GALNT17: variants seen among roughly 807,000 people sequenced by gnomAD.
The protein encoded by GALNT17 is polypeptide N-acetylgalactosaminyltransferase 17.
In GALNT17, 29 loss-of-function variants were observed where a neutral mutation model predicts 63.7. The observed-to-expected ratio is 0.46, with a 90% confidence interval of 0.34 to 0.62. GALNT17 has a LOEUF of 0.62. Ranked by LOEUF, GALNT17 falls within the 20% of genes least tolerant of loss-of-function variation. The pLI is 0.01. For missense variants in GALNT17, 603 were observed against 799.6 expected (o/e 0.75, Z 2.97); for synonymous variants, 305 against 318.3 (o/e 0.96, Z 0.45).
chr7:71,266,292 A>G (rs1302443634), intron 1 of GALNT17, among the ~76,000 whole-genome samples: 2 of 152,110 alleles, frequency 1.3e-5, no homozygotes, highest in Admixed American at 6.6e-5. Context: ...TCAAATTGTA[A>G]TCCCTATGTG....
intron 1 of GALNT17, among the ~76,000 whole-genome samples, chr7:71,218,941 A>C (rs1789534394): frequency 1.3e-5 from 2 of 152,120 alleles, no homozygotes; most frequent in African/African-American, 4.8e-5. Flanking sequence ...GTGCAGAATA[A>C]ATGTAATGCT....
At chr7:71,553,204 G>A (rs1230958622) in intron 5 of GALNT17, among the ~76,000 whole-genome samples, 2 of 152,056 alleles carry the variant, frequency 1.3e-5, no homozygotes, top group Non-Finnish European at 2.9e-5. Flanking sequence ...GTATGTGCCT[G>A]TAGTCCCGGC....
rs778398639 is a variant in GALNT17 at position 71,388,284 on chromosome 7, T to C, written c.472T>C (p.Phe158Leu). The change falls in exon 3 of 11, where the codon TTC becomes CTC. Residue 158 changes from phenylalanine to leucine, a missense_variant. Coordinates refer to ENST00000333538, the MANE Select transcript of GALNT17 (RefSeq NM_022479.3). ...SKDLPQISII[F>L]IFVNEALSVI... ...GGACCTGCCCCAGATATCCATCATATTCATCTTCGTGAACGAGGCCCTGTC... is the reference window on the plus strand; with the variant it reads ...GGACCTGCCCCAGATATCCATCATACTCATCTTCGTGAACGAGGCCCTGTC... 1.2e-6 allele frequency: 2 copies of C among 1,614,048 alleles called. No homozygotes were observed. Among genetic ancestry groups the C allele is most frequent in the Non-Finnish European group, 1.7e-6 (2 of 1,179,984 alleles).
chr7:71,231,364 A>G (rs1027468835), intron 1 of GALNT17, among the ~76,000 whole-genome samples: 2 of 151,828 alleles, frequency 1.3e-5, no homozygotes. Context: ...TAGATATAGG[A>G]TGGGCTCAGG....
intron 1 of GALNT17, among the ~76,000 whole-genome samples, chr7:71,213,820 A>C (rs1789425861): frequency 6.6e-6 from 1 of 152,122 alleles, no homozygotes; most frequent in African/African-American, 2.4e-5. Flanking sequence ...GCCATTCCTC[A>C]ATGCCTAATG....
At chr7:71,323,017 G>A (rs576061975) in intron 1 of GALNT17, among the ~76,000 whole-genome samples, 58 of 152,026 alleles carry the variant, frequency 3.8e-4, no homozygotes, top group Middle Eastern at 3.4e-3. Context: ...TGAAGGAGTG[G>A]GTGTGTTTAG....
chr7:71,557,704 T>C (rs946689562), intron 5 of GALNT17, among the ~76,000 whole-genome samples: 2 of 152,056 alleles, frequency 1.3e-5, no homozygotes, highest in Non-Finnish European at 2.9e-5. Flanking sequence ...GGCAGGAGAA[T>C]CGCTTGAACC....
chr7:71,690,641 A>G (rs1181993155), intron 9 of GALNT17, among the ~76,000 whole-genome samples: 1 of 152,204 alleles, frequency 6.6e-6, no homozygotes, highest in Non-Finnish European at 1.5e-5. Flanking sequence ...GTACCATTTT[A>G]GATACCAGTA....
chr7:71,365,601 C>T (rs928301374), intron 2 of GALNT17, among the ~76,000 whole-genome samples: 1 of 152,182 alleles, frequency 6.6e-6, no homozygotes, highest in Non-Finnish European at 1.5e-5. Context: ...ATAGTAAGCA[C>T]TGTATTGAAA....
chr7:71,160,560 G>A (rs1339854598), intron 1 of GALNT17, among the ~76,000 whole-genome samples: 2 of 152,148 alleles, frequency 1.3e-5, no homozygotes, highest in East Asian at 3.9e-4. Flanking sequence ...CTGGGTTCAA[G>A]AGATTGTCCT....
At chr7:71,512,833 G>C (rs891994648) in intron 5 of GALNT17, among the ~76,000 whole-genome samples, 1 of 152,196 alleles carries the variant, frequency 6.6e-6, no homozygotes, top group African/African-American at 2.4e-5. Flanking sequence ...AGAATGAGGA[G>C]AATCAGGCCT....
At chr7:71,609,328 C>G (rs998017667) in intron 6 of GALNT17, among the ~76,000 whole-genome samples, 2 of 152,156 alleles carry the variant, frequency 1.3e-5, no homozygotes, top group Non-Finnish European at 2.9e-5. Flanking sequence ...ACTGAGGTCA[C>G]CAACGTTCCT....
At chr7:71,202,992 GCA>G (rs144239987) in intron 1 of GALNT17, among the ~76,000 whole-genome samples, 13 of 151,046 alleles carry the variant, frequency 8.6e-5, no homozygotes, top group Admixed American at 2.6e-4. Context: ...ATACACACGT[GCA>G]CACACACACA....
intron 5 of GALNT17, among the ~76,000 whole-genome samples, chr7:71,551,667 T>C (rs2116831261): frequency 6.6e-6 from 1 of 151,526 alleles, no homozygotes; most frequent in Non-Finnish European, 1.5e-5. Flanking sequence ...CTTGGAAGGC[T>C]AATGCACTGG....
At chr7:71,215,281 CT>C (rs1027646140) in intron 1 of GALNT17, among the ~76,000 whole-genome samples, 6 of 151,832 alleles carry the variant, frequency 4.0e-5, no homozygotes, top group African/African-American at 1.2e-4. Context: ...TTCACTGATC[CT>C]TTTTTTTGCA....
At chr7:71,313,811 T>C (rs1478210359) in intron 1 of GALNT17, among the ~76,000 whole-genome samples, 1 of 152,112 alleles carries the variant, frequency 6.6e-6, no homozygotes, top group Non-Finnish European at 1.5e-5. Flanking sequence ...ACTGGAGTCC[T>C]TCCAGAGTAA....
intron 2 of GALNT17, among the ~76,000 whole-genome samples, chr7:71,382,489 A>AT (rs1792865295): frequency 6.6e-6 from 1 of 152,182 alleles, no homozygotes; most frequent in African/African-American, 2.4e-5. Flanking sequence ...ATGAAGAGAG[A>AT]TTATGACTGT....
chr7:71,484,362 C>T (rs961548748), intron 5 of GALNT17, among the ~76,000 whole-genome samples: 4 of 152,058 alleles, frequency 2.6e-5, no homozygotes, highest in Non-Finnish European at 5.9e-5. Flanking sequence ...GTGGCATGCA[C>T]CTGTAATCCC....
intron 1 of GALNT17, among the ~76,000 whole-genome samples, chr7:71,283,576 G>A (rs1050354142): frequency 1.3e-5 from 2 of 152,164 alleles, no homozygotes; most frequent in Admixed American, 6.5e-5. Flanking sequence ...TATTCCAGAT[G>A]ATATGGTTTG....
Sources: allele counts gnomAD v4.1 joint callset (sites outside exome capture counted in the v4.1 genomes callset), GRCh38; gene constraint gnomAD v4.1.1; transcripts MANE v1.5; gene names NCBI Gene and HGNC (gene_info 2026-07-23, HGNC 2026-07-21).